Variants in EPHA4 observed in about 807,000 individuals in gnomAD.
EPHA4 encodes ephrin type-A receptor 4.
In EPHA4, 19 loss-of-function variants were observed where a neutral mutation model predicts 108.3. The ratio of observed to expected loss-of-function variants is 0.18; its 90% CI spans 0.12 to 0.26. The LOEUF (loss-of-function observed/expected upper bound fraction) is 0.26, where lower values mean the gene tolerates loss of function less well. Ranked by LOEUF, EPHA4 falls within the 10% of genes least tolerant of loss-of-function variation. The pLI is 1.00. For missense variants in EPHA4, 917 were observed against 1,254.0 expected (o/e 0.73, Z 4.06); for synonymous variants, 449 against 455.5 (o/e 0.99, Z 0.18).
chr2:221,512,652 C>T (rs751882390), intron 3 of EPHA4, among the ~76,000 whole-genome samples: 1 of 152,226 alleles, frequency 6.6e-6, no homozygotes, highest in Non-Finnish European at 1.5e-5. Flanking sequence ...TTCCTCTCCT[C>T]ACACTAGCCC....
At position 221,564,144 on chromosome 2, in the gene EPHA4, A is replaced by G. The variant is rs924587124; in HGVS notation, c.410T>C (p.Ile137Thr). ...AATTTTGACAAACTGGTTCTCTCTG[A>G]TGAAACGCTCTTTGTCGTTGTCTGA... ...YESDNDKERF[I>T]RENQFVKIDT... Residue 137 changes from isoleucine to threonine, a missense_variant, in exon 3 of 18, where the codon ATC becomes ACC. This residue lies in a region of EPHA4 where 758 missense variants were observed against 1,076.7 expected (regional missense o/e 0.70). Transcript: ENST00000281821. 53 of 1,614,052 alleles carry G rather than the reference A, an allele frequency of 3.3e-5. No individual in the cohort carries two copies. The highest frequency in any genetic ancestry group is 4.3e-5 in the Non-Finnish European group (51 of 1,180,042).
At chr2:221,499,223 AAATATAAATATAAT>A (rs944578972) in intron 4 of EPHA4, among the ~76,000 whole-genome samples, 28 of 147,532 alleles carry the variant, frequency 1.9e-4, no homozygotes, top group Middle Eastern at 3.6e-3. Context: ...AAATAATATA[AAATATAAATATAAT>A]AATATAAATA....
intron 8 of EPHA4, among the ~76,000 whole-genome samples, chr2:221,452,660 A>T (rs906601369): frequency 1.3e-5 from 2 of 152,026 alleles, no homozygotes; most frequent in Non-Finnish European, 2.9e-5. Flanking sequence ...CTAAAAAGTG[A>T]TCCATTGAGG....
intron 3 of EPHA4, among the ~76,000 whole-genome samples, chr2:221,506,841 T>G (rs1361100135): frequency 6.6e-6 from 1 of 152,172 alleles, no homozygotes. Flanking sequence ...AGAAAACAAA[T>G]TTTTACAATT....
intron 3 of EPHA4, among the ~76,000 whole-genome samples, chr2:221,523,242 TAAG>T (rs1279873064): frequency 6.6e-6 from 1 of 152,116 alleles, no homozygotes; most frequent in Non-Finnish European, 1.5e-5. Flanking sequence ...CCAACAACGC[TAAG>T]AAGTAGGGGC....
At chr2:221,557,124 GC>G (rs1284820153) in intron 3 of EPHA4, among the ~76,000 whole-genome samples, 3 of 152,204 alleles carry the variant, frequency 2.0e-5, no homozygotes, top group Non-Finnish European at 4.4e-5. Context: ...TTTTGACCTT[GC>G]AGACCACATG....
chr2:221,443,860 C>T (rs1574567631), intron 9 of EPHA4, among the ~76,000 whole-genome samples: 1 of 152,164 alleles, frequency 6.6e-6, no homozygotes, highest in South Asian at 2.1e-4. Context: ...TTTAAAACAA[C>T]CCATCCCATG....
At chr2:221,479,345 C>A (rs1032943361) in intron 5 of EPHA4, among the ~76,000 whole-genome samples, 2 of 152,200 alleles carry the variant, frequency 1.3e-5, no homozygotes, top group Non-Finnish European at 2.9e-5. Flanking sequence ...CCCAAGAATT[C>A]TAGCAGGTTT....
chr2:221,437,166 G>T, intron 11 of EPHA4, 44 bp from the exon 12 acceptor site: 1 of 1,417,414 alleles, frequency 7.1e-7, no homozygotes, highest in Non-Finnish European at 9.9e-7. Context: ...GATGAGCGCT[G>T]CACTTAATGA....
intron 13 of EPHA4, among the ~76,000 whole-genome samples, chr2:221,435,873 C>T (rs965940519): frequency 6.8e-6 from 1 of 147,664 alleles, no homozygotes; most frequent in Non-Finnish European, 1.5e-5. Flanking sequence ...TGCTTTGTCT[C>T]ATTTAGAATA....
chr2:221,506,575 T>C (rs1355730655), intron 3 of EPHA4, among the ~76,000 whole-genome samples: 1 of 152,222 alleles, frequency 6.6e-6, no homozygotes. Flanking sequence ...AGGGTGAAGA[T>C]GGACAATTGG....
At position 221,425,875 on chromosome 2, in the gene EPHA4, C is replaced by G. The variant is rs1689884228; in HGVS notation, c.*153G>C. 1 of 670,736 alleles carries G rather than the reference C, an allele frequency of 1.5e-6. No individual in the cohort carries two copies. Among genetic ancestry groups the G allele is most frequent in the Non-Finnish European group, 2.6e-6 (1 of 387,040 alleles). The allele number at this position is 670,736 out of a possible 1,614,324, so 41.5% of individuals were successfully genotyped here. On this transcript the variant is annotated 3_prime_UTR_variant, in exon 17 of 18. Coordinates refer to ENST00000281821, the MANE Select transcript of EPHA4 (RefSeq NM_004438.5). ...CTGTAAGCCCCACAGTTTCAGCAAT[C>G]TGTGCACCAAGCAACGCTGCAGATA...
At chr2:221,566,031 T>A (rs1390593982) in intron 2 of EPHA4, among the ~76,000 whole-genome samples, 1 of 152,200 alleles carries the variant, frequency 6.6e-6, no homozygotes, top group Non-Finnish European at 1.5e-5. Flanking sequence ...AGTTTTATAT[T>A]TCACAGTCAG....
At chr2:221,443,072 A>G (rs1296727083) in intron 10 of EPHA4, 58 bp from the exon 11 acceptor site, 3 of 1,541,068 alleles carry the variant, frequency 1.9e-6, no homozygotes, top group Non-Finnish European at 2.7e-6. Flanking sequence ...ATGAAAGAAT[A>G]ACAGCTAACA....
At chr2:221,475,791 T>C (rs374676301) in intron 5 of EPHA4, among the ~76,000 whole-genome samples, 1 of 152,272 alleles carries the variant, frequency 6.6e-6, no homozygotes, top group Non-Finnish European at 1.5e-5. Context: ...TTTTATTATG[T>C]TGAACCCATT....
At position 221,571,865 on chromosome 2, in the gene EPHA4, C is replaced by A. The variant is rs1277207167; in HGVS notation, c.91+293G>T. 6.6e-6 allele frequency among the ~76,000 whole-genome samples: 1 copy of A among 152,176 alleles called. No homozygotes were observed. The highest frequency in any genetic ancestry group is 2.4e-5 in the African/African-American group (1 of 41,442). On this transcript the variant is annotated intron_variant, in intron 1 of 17. Coordinates refer to ENST00000281821, the MANE Select transcript of EPHA4 (RefSeq NM_004438.5). The surrounding 1 kb of genome is among the most constrained non-coding windows in gnomAD (Gnocchi z 6.3). ...AATCCCGGCGTTGTCTCCCGTGCAT[C>A]CCCTCAGGGCGCCTCGAGCGGGCCT...
intron 5 of EPHA4, among the ~76,000 whole-genome samples, chr2:221,465,218 T>C (rs3770166): frequency 0.024 from 3,582 of 152,288 alleles, 90 homozygotes; most frequent in East Asian, 0.081. Context: ...ACACTATAAA[T>C]ACTTGAACTA....
At position 221,482,619 on chromosome 2, in the gene EPHA4, G is replaced by A. The variant is rs1691855972; in HGVS notation, c.1051C>T (p.Pro351Ser). 6.2e-7 allele frequency: 1 copy of A among 1,612,136 alleles called. No homozygotes were observed. The highest frequency in any genetic ancestry group is 8.5e-7 in the Non-Finnish European group (1 of 1,178,386). The part of the protein sequence containing the change: ...ETSVNLEWSS[P>S]QNTGGRQDIS... Reference sequence around the variant, plus strand: ...TCCTGGCGGCCACCTGTATTCTGAGGGCTACTCCATTCCAAGTTCACAGAT... The same window carrying A: ...TCCTGGCGGCCACCTGTATTCTGAGAGCTACTCCATTCCAAGTTCACAGAT... The change falls in exon 5 of 18, where the codon CCT becomes TCT. Residue 351 changes from proline to serine, a missense_variant. Coordinates refer to ENST00000281821, the MANE Select transcript of EPHA4 (RefSeq NM_004438.5).
rs780953547 is a variant in EPHA4 at position 221,563,847 on chromosome 2, T to C, written c.707A>G (p.Asn236Ser). The C allele has an allele frequency of 6.2e-7, 1 of 1,614,164 alleles. No homozygotes were observed. Among genetic ancestry groups the C allele is most frequent in the Non-Finnish European group, 8.5e-7 (1 of 1,180,028 alleles). ...TTTTGGCACATCTTTCTCTTCTGAG[T>C]TGTTGACACAGGAGCCTCGAACTTC... ...LVEVRGSCVN[N>S]SEEKDVPKMY... Residue 236 changes from asparagine to serine, a missense_variant, in exon 3 of 18, where the codon AAC (asparagine) becomes AGC (serine). This residue lies in a region of EPHA4 where 758 missense variants were observed against 1,076.7 expected (regional missense o/e 0.70). Transcript: ENST00000281821.
Sources: gnomAD v4.1 joint callset for allele counts (sites outside exome capture counted in the v4.1 genomes callset) on GRCh38, gnomAD v4.1.1 for gene constraint, gnomAD v4.1.1 regional missense constraint, Gnocchi (gnomAD v3.1) non-coding constraint, MANE v1.5 for transcripts, NCBI Gene and HGNC (gene_info 2026-07-23, HGNC 2026-07-21) for gene names.